The following SLK variants were observed in gnomAD, a reference collection of about 807,000 sequenced individuals.
SLK encodes STE20-like serine/threonine-protein kinase.
Under a neutral mutation model 147.7 loss-of-function variants are expected in SLK, and 67 were observed. That is an observed-to-expected ratio of 0.45 (90% CI 0.37 to 0.56). The LOEUF is 0.56. Ranked by LOEUF, SLK falls within the 20% of genes least tolerant of loss-of-function variation. SLK has a pLI of 0.00. For synonymous variants in SLK, 441 were observed against 475.0 expected (o/e 0.93, Z 0.93); for missense variants, 1,136 against 1,438.8 (o/e 0.79, Z 3.41).
rs148233857 is a variant in SLK at position 103,968,794 on chromosome 10, A to G, written c.150+899A>G. Among the ~76,000 whole-genome samples, 15 of 152,320 alleles carry G rather than the reference A, an allele frequency of 9.8e-5. No individual in the cohort carries two copies. In the East Asian group the frequency reaches 2.9e-3, roughly 29 times the overall value. ...TTCAAATAATTTGGCCCCCACAAAAATCTTGTGAGGTAGGCAGGTCAGTAT... is the reference window on the plus strand; with the variant it reads ...TTCAAATAATTTGGCCCCCACAAAAGTCTTGTGAGGTAGGCAGGTCAGTAT... On this transcript the variant is annotated intron_variant, in intron 1 of 18. Coordinates refer to ENST00000369755, the MANE Select transcript of SLK (RefSeq NM_014720.4).
chr10:103,969,737 G>T (rs1843768325), intron 1 of SLK, among the ~76,000 whole-genome samples: 1 of 152,168 alleles, frequency 6.6e-6, no homozygotes, highest in Non-Finnish European at 1.5e-5. Context: ...TTTTAGTGCT[G>T]GCTGTCACAA....
chr10:104,003,328 C>G lies in SLK; in HGVS notation c.2150C>G (p.Ser717Cys). The change falls in exon 9 of 19, where the codon TCT becomes TGT. Residue 717 changes from serine (S) to cysteine (C), a missense_variant. Ser to Cys is a moderately radical substitution (Grantham distance 112). Around this residue, in one of 6 missense-constraint regions of SLK, gnomAD observed 516 missense variants for 531.3 expected, o/e 0.97. Transcript: ENST00000369755. ...PVLIPSININ[S>C]DSGENKEEIG... ...CTAATACCCAGTATTAATATCAACTCTGACAGTGGAGAAAATAAAGAAGAA... is the reference window on the plus strand; with the variant it reads ...CTAATACCCAGTATTAATATCAACTGTGACAGTGGAGAAAATAAAGAAGAA... The G allele has an allele frequency of 6.2e-7, 1 of 1,613,958 alleles. No homozygotes were observed. The highest frequency in any genetic ancestry group is 2.2e-5 in the East Asian group (1 of 44,872).
intron 1 of SLK, among the ~76,000 whole-genome samples, chr10:103,985,763 AT>A (rs796406282): frequency 1.2e-4 from 18 of 152,338 alleles, no homozygotes; most frequent in African/African-American, 4.3e-4. Flanking sequence ...AAATGTAAAA[AT>A]ATAGAAAGAA....
rs752412807 is a variant in SLK, at chr10:104,002,575, A to G, written c.1397A>G (p.Asn466Ser). The G allele has an allele frequency of 6.2e-7, 1 of 1,604,348 alleles. No homozygotes were observed. Among genetic ancestry groups the G allele is most frequent in the Non-Finnish European group, 8.5e-7 (1 of 1,174,940 alleles). The change falls in exon 9 of 19, where the codon AAT becomes AGT. Residue 466 changes from asparagine to serine, a missense_variant. Around this residue, in one of 6 missense-constraint regions of SLK, gnomAD observed 516 missense variants for 531.3 expected, o/e 0.97. Coordinates refer to ENST00000369755, the MANE Select transcript of SLK (RefSeq NM_014720.4). ...MITLETNIEH[N>S]LKSEEEKDQE... ...ACCTTAGAAACAAATATTGAACATA[A>G]TCTAAAATCTGAGGAAGAAAAGGAT... is the stretch of plus-strand genomic sequence containing the variant.
chr10:103,994,594 A>C (rs1289677694), intron 4 of SLK, among the ~76,000 whole-genome samples: 3 of 152,258 alleles, frequency 2.0e-5, no homozygotes, highest in East Asian at 1.9e-4. Context: ...CCAAAAAAAA[A>C]CCTTATGCAT....
At chr10:103,996,685 G>A (rs568260046) in intron 4 of SLK, among the ~76,000 whole-genome samples, 2 of 152,204 alleles carry the variant, frequency 1.3e-5, no homozygotes, top group East Asian at 1.9e-4. Flanking sequence ...GTGAGCCACC[G>A]TGCCCGGCCT....
intron 13 of SLK, among the ~76,000 whole-genome samples, chr10:104,016,222 G>A (rs1482340430): frequency 6.6e-6 from 1 of 152,062 alleles, no homozygotes; most frequent in Non-Finnish European, 1.5e-5. Flanking sequence ...AGGAGGCTGA[G>A]GCAGGAGAAT....
chr10:103,992,485 G>T, intron 2 of SLK, 113 bp from the exon 3 acceptor site: 1 of 944,996 alleles, frequency 1.1e-6, no homozygotes, highest in Non-Finnish European at 1.6e-6. Flanking sequence ...TCCATAACCA[G>T]ATTATTTGAT....
rs1462874049 is a variant in SLK, at chr10:104,018,182, A to G, written c.2900A>G (p.Gln967Arg). Residue 967 changes from glutamine to arginine, a missense_variant, in exon 14 of 19, where the codon CAA (glutamine) becomes CGA (arginine). Around this residue, in one of 6 missense-constraint regions of SLK, gnomAD observed 327 missense variants for 457.5 expected, o/e 0.71. Transcript: ENST00000369755. ...HAQEQEFVQK[Q>R]QQELDGSLKK... Reference sequence around the variant, plus strand: ...TAGGAACAAGAGTTTGTTCAGAAACAACAGCAAGAATTAGATGGCTCTCTG... The same window carrying G: ...TAGGAACAAGAGTTTGTTCAGAAACGACAGCAAGAATTAGATGGCTCTCTG... 1 of 1,606,736 alleles carries G rather than the reference A, an allele frequency of 6.2e-7. No individual in the cohort carries two copies. The highest frequency in any genetic ancestry group is 8.5e-7 in the Non-Finnish European group (1 of 1,177,798).
chr10:104,025,757 C>G lies in SLK; in HGVS notation c.*37C>G. 1 of 1,591,094 alleles carries G rather than the reference C, an allele frequency of 6.3e-7. No homozygotes were observed. Among genetic ancestry groups the G allele is most frequent in the Middle Eastern group, 1.7e-4 (1 of 6,000 alleles). ...ATTCTGTGCGTGGGTTTGGCTCTTT[C>G]AGTATGTCATTCTGTTCTCATCTTC... On this transcript the variant is annotated 3_prime_UTR_variant, in exon 19 of 19. Coordinates refer to ENST00000369755, the MANE Select transcript of SLK (RefSeq NM_014720.4).
In SLK at chr10:104,008,204, A is replaced by G. The variant is rs1844353521; in HGVS notation, c.2632A>G (p.Ile878Val). ...TAAAAAGCGACAATATGACCAGGAA[A>G]TTGAGAATCTAGAAAAACAGCAGAA... ...MSKKRQYDQE[I>V]ENLEKQQKQT... is the part of the protein sequence containing the mutation. The change falls in exon 12 of 19, where the codon ATT (isoleucine) becomes GTT (valine). Residue 878 changes from isoleucine (I) to valine (V), a missense_variant. Around this residue, in one of 6 missense-constraint regions of SLK, gnomAD observed 327 missense variants for 457.5 expected, o/e 0.71. Coordinates refer to ENST00000369755, the MANE Select transcript of SLK (RefSeq NM_014720.4). 5 of 1,612,996 alleles carry G rather than the reference A, an allele frequency of 3.1e-6. No homozygotes were observed. Among genetic ancestry groups the G allele is most frequent in the African/African-American group, 1.3e-5 (1 of 74,920 alleles).
intron 4 of SLK, among the ~76,000 whole-genome samples, chr10:103,995,618 G>T (rs1844160958): frequency 6.6e-6 from 1 of 151,444 alleles, no homozygotes; most frequent in Non-Finnish European, 1.5e-5. Context: ...TAGAGATGGG[G>T]TTTCACCATG....
At position 104,002,881 on chromosome 10, in the gene SLK, A is replaced by C. The variant is rs756112041; in HGVS notation, c.1703A>C (p.Asp568Ala). The change falls in exon 9 of 19, where the codon GAT (aspartate) becomes GCT (alanine). Residue 568 changes from aspartate (D) to alanine (A), a missense_variant. By Grantham distance (126) the Asp-to-Ala change is moderately radical (BLOSUM62 -2). Transcript: ENST00000369755. ...AQKVDEDSAE[D>A]TQSNDGKEVV... ...AAAGTGGATGAAGACAGTGCTGAGGATACGCAGAGTAATGATGGGAAAGAA... is the reference window on the plus strand; with the variant it reads ...AAAGTGGATGAAGACAGTGCTGAGGCTACGCAGAGTAATGATGGGAAAGAA... 1.2e-6 allele frequency: 2 copies of C among 1,614,114 alleles called. No individual in the cohort carries two copies. Among genetic ancestry groups the C allele is most frequent in the South Asian group, 2.2e-5 (2 of 91,074 alleles).
At position 103,999,252 on chromosome 10, in the gene SLK, A is replaced by G. The variant is rs1844213933; in HGVS notation, c.721A>G (p.Met241Val). 3 of 1,613,712 alleles carry G rather than the reference A, an allele frequency of 1.9e-6. No individual in the cohort carries two copies. Among genetic ancestry groups the G allele is most frequent in the Non-Finnish European group, 2.5e-6 (3 of 1,179,790 alleles). Residue 241 changes from methionine to valine, a missense_variant, in exon 6 of 19, where the codon ATG becomes GTG. By Grantham distance (21) the Met-to-Val change is conservative. Coordinates refer to ENST00000369755, the MANE Select transcript of SLK (RefSeq NM_014720.4). Reference sequence around the variant, plus strand: ...ACCACCTCATCATGAATTAAATCCAATGCGAGTGCTGCTAAAAATAGCAAA... The same window carrying G: ...ACCACCTCATCATGAATTAAATCCAGTGCGAGTGCTGCTAAAAATAGCAAA... The part of the protein sequence containing the change: ...IEPPHHELNP[M>V]RVLLKIAKSE...
rs1414919488 is a variant in SLK, at chr10:104,003,421, A to C, written c.2243A>C (p.Asn748Thr). 1 of 1,613,884 alleles carries C rather than the reference A, an allele frequency of 6.2e-7. No individual in the cohort carries two copies. Among genetic ancestry groups the C allele is most frequent in the Non-Finnish European group, 8.5e-7 (1 of 1,179,886 alleles). The change falls in exon 9 of 19, where the codon AAT becomes ACT. Residue 748 changes from asparagine (N) to threonine (T), a missense_variant. This residue lies in a region of SLK where 516 missense variants were observed against 531.3 expected (regional missense o/e 0.97). Coordinates refer to ENST00000369755, the MANE Select transcript of SLK (RefSeq NM_014720.4). Reference sequence around the variant, plus strand: ...TCTGAGAATCCAAAGGAAAATGATAATGATTCAGGCACTGGTTCCACTGCT... The same window carrying C: ...TCTGAGAATCCAAAGGAAAATGATACTGATTCAGGCACTGGTTCCACTGCT... ...PESENPKEND[N>T]DSGTGSTADT...
In SLK at chr10:104,003,039, A is replaced by G. The variant is rs1385462467; in HGVS notation, c.1861A>G (p.Ile621Val). ...AGAAGGTAAAAATAAGGAACAAGCA[A>G]TAAACAGTTCAGAGAACATAATGGA... ...IEEGKNKEQA[I>V]NSSENIMDIN... Residue 621 changes from isoleucine to valine, a missense_variant, in exon 9 of 19, where the codon ATA becomes GTA. Ile to Val is a conservative substitution (Grantham distance 29). This residue lies in a region of SLK where 516 missense variants were observed against 531.3 expected (regional missense o/e 0.97). Transcript: ENST00000369755. 1 of 1,613,996 alleles carries G rather than the reference A, an allele frequency of 6.2e-7. No homozygotes were observed. The highest frequency in any genetic ancestry group is 2.2e-5 in the East Asian group (1 of 44,876).
intron 1 of SLK, among the ~76,000 whole-genome samples, chr10:103,984,143 A>G (rs1843983041): frequency 6.6e-6 from 1 of 152,208 alleles, no homozygotes; most frequent in African/African-American, 2.4e-5. Context: ...TAAATAAGTT[A>G]CTAAATGGAA....
chr10:104,016,600 G>A (rs760496695), intron 13 of SLK, among the ~76,000 whole-genome samples: 2 of 152,144 alleles, frequency 1.3e-5, no homozygotes, highest in African/African-American at 2.4e-5. Context: ...GCATTCATTA[G>A]TCTTTTCTTT....
At chr10:104,010,306 T>G (rs1326216763) in intron 12 of SLK, among the ~76,000 whole-genome samples, 1 of 152,230 alleles carries the variant, frequency 6.6e-6, no homozygotes, top group Non-Finnish European at 1.5e-5. Context: ...TTGTGTATTC[T>G]AAGACTTGCT....
Sources: gnomAD v4.1 joint callset for allele counts (sites outside exome capture counted in the v4.1 genomes callset) on GRCh38, gnomAD v4.1.1 for gene constraint, gnomAD v4.1.1 regional missense constraint, MANE v1.5 for transcripts, NCBI Gene and HGNC (gene_info 2026-07-23, HGNC 2026-07-21) for gene names.